Variants in USP20 observed in about 807,000 individuals in gnomAD.
The protein encoded by USP20 is ubiquitin specific peptidase 20, also known as ubiquitin carboxyl-terminal hydrolase 20.
USP20 carries 80 observed loss-of-function variants against 124.2 expected under a neutral mutation model. That is an observed-to-expected ratio of 0.64 (90% CI 0.54 to 0.78). USP20 has a LOEUF of 0.78. Ranked by LOEUF, USP20 falls within the 30% of genes least tolerant of loss-of-function variation. The pLI, the probability that USP20 is intolerant of heterozygous loss-of-function variation, is 0.00. For synonymous variants in USP20, 481 were observed against 512.3 expected, an observed-to-expected ratio of 0.94 and a Z score of 0.83; for missense variants, 1,043 against 1,244.4, an observed-to-expected ratio of 0.84 and a Z score of 2.44.
intron 5 of USP20, 99 bp downstream of exon 5, chr9:129,858,211 A>G (rs2033319044): frequency 4.5e-6 from 6 of 1,342,122 alleles, no homozygotes; most frequent in Non-Finnish European, 6.3e-6. Context: ...GGCTGGGGCA[A>G]TAAATGGTGT....
intron 25 of USP20, 56 bp downstream of exon 25, chr9:129,880,345 A>G: frequency 6.7e-7 from 1 of 1,498,272 alleles, no homozygotes. Flanking sequence ...CTCACTCTCC[A>G]GAGACCCTCA....
Position 129,869,350 on chromosome 9 carries a change from G to C in USP20, c.1317G>C (p.Gln439His). The change falls in exon 13 of 26, where the codon CAG becomes CAC. Residue 439 changes from glutamine to histidine, a missense_variant. Gln to His is a conservative substitution (Grantham distance 24). Coordinates refer to ENST00000372429, the MANE Select transcript of USP20 (RefSeq NM_001110303.4). Reference protein sequence around the residue: ...LSAGSRRRKEQRYRSVISDIF... With the variant: ...LSAGSRRRKEHRYRSVISDIF... ...CTGGCAGCCGGAGGCGGAAGGAGCAGCGCTACCGCAGCGTCATCTCAGACA... is the reference window on the plus strand; with the variant it reads ...CTGGCAGCCGGAGGCGGAAGGAGCACCGCTACCGCAGCGTCATCTCAGACA... 1 of 1,613,708 alleles carries C rather than the reference G, an allele frequency of 6.2e-7. No individual in the cohort carries two copies. Among genetic ancestry groups the C allele is most frequent in the Non-Finnish European group, 8.5e-7 (1 of 1,180,010 alleles).
intron 11 of USP20, 124 bp downstream of exon 11, chr9:129,868,573 G>A: frequency 6.9e-7 from 1 of 1,442,960 alleles, no homozygotes; most frequent in Non-Finnish European, 9.1e-7. Flanking sequence ...AATGACAGTG[G>A]GGAAGTCAGC....
intron 3 of USP20, among the ~76,000 whole-genome samples, chr9:129,853,276 CTG>C (rs150850625): frequency 0.016 from 2,462 of 152,254 alleles, 62 homozygotes; most frequent in African/African-American, 0.055. Flanking sequence ...ACGATCCTCT[CTG>C]TTTTGTAACT....
intron 3 of USP20, among the ~76,000 whole-genome samples, chr9:129,855,852 A>G (rs1303531406): frequency 1.3e-5 from 2 of 152,038 alleles, no homozygotes; most frequent in African/African-American, 2.4e-5. Flanking sequence ...AGGTCTAGTG[A>G]ACTCTTCATT....
chr9:129,865,873 C>T (rs921120342), intron 10 of USP20, among the ~76,000 whole-genome samples: 2 of 152,148 alleles, frequency 1.3e-5, no homozygotes, highest in Non-Finnish European at 2.9e-5. Context: ...AGGGCCTCCG[C>T]GTTGCACCCA....
At chr9:129,840,722 G>A (rs1346449836) in intron 1 of USP20, among the ~76,000 whole-genome samples, 1 of 150,930 alleles carries the variant, frequency 6.6e-6, no homozygotes, top group Admixed American at 6.6e-5. Context: ...TAAGAATAAG[G>A]ATATTATCAT....
chr9:129,836,342 C>T (rs2031835072), intron 1 of USP20, among the ~76,000 whole-genome samples: 1 of 152,176 alleles, frequency 6.6e-6, no homozygotes, highest in Non-Finnish European at 1.5e-5. Context: ...TGAATTCTCC[C>T]AGCAATCCTT....
At chr9:129,856,464 T>G in intron 4 of USP20, 104 bp downstream of exon 4, 1 of 1,350,664 alleles carries the variant, frequency 7.4e-7, no homozygotes, top group Non-Finnish European at 1.1e-6. Flanking sequence ...GGAACTTCCA[T>G]CCCTAGTGGG....
In USP20 at chr9:129,873,745, G is replaced by A; in HGVS notation, c.1740+1G>A. The A allele has an allele frequency of 1.2e-6, 2 of 1,612,154 alleles. No homozygotes were observed. Among genetic ancestry groups the A allele is most frequent in the Non-Finnish European group, 1.7e-6 (2 of 1,180,002 alleles). On this transcript the variant is annotated splice_donor_variant, in intron 17 of 25. Transcript: ENST00000372429. LOFTEE classifies it high-confidence loss of function. ...CTGCAAAGTCCTGCGGTTGCCCGAG[G>A]TGAGCCAGTGGCCTCGGCAGCCTCC...
chr9:129,848,768 A>G (rs899172150), intron 1 of USP20, among the ~76,000 whole-genome samples: 1 of 152,244 alleles, frequency 6.6e-6, no homozygotes, highest in Admixed American at 6.5e-5. Flanking sequence ...TGCAGCTTAA[A>G]ATAGTGTAAG....
intron 14 of USP20, 122 bp from the exon 15 acceptor site, chr9:129,870,331 G>C: frequency 4.7e-6 from 5 of 1,064,948 alleles, no homozygotes; most frequent in Non-Finnish European, 7.0e-6. Context: ...GTGCCCGGCT[G>C]CTTCTCTGGG....
chr9:129,868,787 G>T, intron 11 of USP20, 75 bp from the exon 12 acceptor site: 1 of 1,498,408 alleles, frequency 6.7e-7, no homozygotes, highest in Non-Finnish European at 8.9e-7. Context: ...GGAGGGGCTG[G>T]CAGGTCATCT....
At chr9:129,840,398 A>G (rs2032132305) in intron 1 of USP20, among the ~76,000 whole-genome samples, 1 of 152,162 alleles carries the variant, frequency 6.6e-6, no homozygotes, top group African/African-American at 2.4e-5. Context: ...CCTGGGTACC[A>G]GGTCTGGAGG....
At chr9:129,865,207 A>G (rs1449167795) in intron 9 of USP20, 96 bp from the exon 10 acceptor site, 3 of 1,345,590 alleles carry the variant, frequency 2.2e-6, no homozygotes, top group Non-Finnish European at 3.2e-6. Flanking sequence ...GAAACGCCAC[A>G]CTCTGATCCA....
chr9:129,870,826 C>A (rs972332506), intron 15 of USP20, among the ~76,000 whole-genome samples: 6 of 152,174 alleles, frequency 3.9e-5, no homozygotes, highest in Non-Finnish European at 8.8e-5. Flanking sequence ...GTTAATTTTT[C>A]ATTTCCTTGA....
At chr9:129,864,878 G>A (rs1370095545) in intron 9 of USP20, among the ~76,000 whole-genome samples, 1 of 151,824 alleles carries the variant, frequency 6.6e-6, no homozygotes, top group African/African-American at 2.4e-5. Flanking sequence ...TGCATCTGTA[G>A]TTTCACAGAA....
At chr9:129,851,922 G>A (rs752011943) in intron 2 of USP20, among the ~76,000 whole-genome samples, 1 of 151,924 alleles carries the variant, frequency 6.6e-6, no homozygotes, top group Non-Finnish European at 1.5e-5. Context: ...CTTTCTCCCT[G>A]CTCTCAGAAG....
Position 129,875,356 on chromosome 9 carries a change from C to A in USP20, c.2095C>A (p.Leu699Met), listed in dbSNP as rs769598935. Reference sequence around the variant, plus strand: ...GCGGGAGCGACAGCAGGTGGTGTCCCTGGCCGCCATGCGGGAGCCCAGCCT... The same window carrying A: ...GCGGGAGCGACAGCAGGTGGTGTCCATGGCCGCCATGCGGGAGCCCAGCCT... Reference protein sequence around the residue: ...AMRERQQVVSLAAMREPSLLR... With the variant: ...AMRERQQVVSMAAMREPSLLR... Residue 699 changes from leucine (L) to methionine (M), a missense_variant, in exon 20 of 26, where the codon CTG (leucine) becomes ATG (methionine). Physicochemically the swap from Leu to Met is conservative, Grantham distance 15 (BLOSUM62 2). Coordinates refer to ENST00000372429, the MANE Select transcript of USP20 (RefSeq NM_001110303.4). 8 of 1,612,706 alleles carry A rather than the reference C, an allele frequency of 5.0e-6. No individual in the cohort carries two copies. In the East Asian group the frequency reaches 1.8e-4, roughly 36 times the overall value.
Sources: allele counts gnomAD v4.1 joint callset (sites outside exome capture counted in the v4.1 genomes callset), GRCh38; gene constraint gnomAD v4.1.1; transcripts MANE v1.5; gene names NCBI Gene and HGNC (gene_info 2026-07-23, HGNC 2026-07-21).